The following THADA variants were observed in gnomAD, a reference collection of about 807,000 sequenced individuals.
THADA encodes the protein tRNA (32-2'-O)-methyltransferase regulator THADA.
THADA carries 213 observed loss-of-function variants against 219.8 expected under a neutral mutation model. That is an observed-to-expected ratio of 0.97 (90% CI 0.87 to 1.09). THADA has a LOEUF of 1.09. Ranked by LOEUF, THADA falls within the 50% of genes least tolerant of loss-of-function variation. THADA has a pLI of 0.00. For missense variants in THADA, 2,956 were observed against 2,311.3 expected (o/e 1.28, Z -5.72); for synonymous variants, 1,018 against 828.9 (o/e 1.23, Z -3.92).
intron 28 of THADA, among the ~76,000 whole-genome samples, chr2:43,427,594 A>C (rs1678627646): frequency 6.7e-6 from 1 of 149,012 alleles, no homozygotes; most frequent in Non-Finnish European, 1.5e-5. Flanking sequence ...AAAGTTTTAC[A>C]TATAATATAT....
At chr2:43,418,256 C>G (rs2104781311) in intron 28 of THADA, among the ~76,000 whole-genome samples, 1 of 152,320 alleles carries the variant, frequency 6.6e-6, no homozygotes, top group Admixed American at 6.5e-5. Context: ...AAGAAAGGAA[C>G]AAGCACCTGC....
At chr2:43,394,786 C>G (rs1573439995) in intron 29 of THADA, among the ~76,000 whole-genome samples, 1 of 152,176 alleles carries the variant, frequency 6.6e-6, no homozygotes, top group East Asian at 1.9e-4. Flanking sequence ...TTTTCTCAAC[C>G]AGGGTAAACC....
intron 28 of THADA, among the ~76,000 whole-genome samples, chr2:43,425,452 G>GTGTGTA (rs1678305407): frequency 7.2e-6 from 1 of 139,506 alleles, no homozygotes; most frequent in Non-Finnish European, 1.6e-5. Flanking sequence ...TTGTATGTGT[G>GTGTGTA]TGTGTGTGTG....
At chr2:43,477,629 T>A (rs2104986114) in intron 26 of THADA, among the ~76,000 whole-genome samples, 1 of 152,340 alleles carries the variant, frequency 6.6e-6, no homozygotes, top group Middle Eastern at 3.4e-3. Context: ...AATGGTTTTA[T>A]CACAGAATAC....
intron 36 of THADA, among the ~76,000 whole-genome samples, chr2:43,248,150 TATATATATATATATAG>T (rs1378812772): frequency 1.1e-5 from 1 of 91,818 alleles, no homozygotes; most frequent in Admixed American, 1.2e-4. Context: ...TATATATATA[TATATATATATATATAG>T]AGAGAGAGAG....
intron 31 of THADA, among the ~76,000 whole-genome samples, chr2:43,296,222 G>T (rs920011390): frequency 4.0e-5 from 6 of 151,110 alleles, no homozygotes; most frequent in Middle Eastern, 3.5e-3. Flanking sequence ...CGGCCATACC[G>T]CTACTCTTAA....
chr2:43,578,499 G>A lies in THADA; in HGVS notation c.816+14C>T, dbSNP rs754905703. The A allele has an allele frequency of 1.5e-5, 24 of 1,583,306 alleles. No homozygotes were observed. Among genetic ancestry groups the A allele is most frequent in the Non-Finnish European group, 2.0e-5 (23 of 1,154,850 alleles). Reference sequence around the variant, plus strand: ...TCTCAATAAAGTACAATTCTAAAAAGGAGATGCACTTACCAAATGAGGAAT... The same window carrying A: ...TCTCAATAAAGTACAATTCTAAAAAAGAGATGCACTTACCAAATGAGGAAT... On this transcript the variant is annotated intron_variant, in intron 9 of 37. Coordinates refer to ENST00000405975, the MANE Select transcript of THADA (RefSeq NM_022065.5).
At chr2:43,463,523 C>T (rs1218181321) in intron 26 of THADA, among the ~76,000 whole-genome samples, 1 of 152,152 alleles carries the variant, frequency 6.6e-6, no homozygotes, top group Non-Finnish European at 1.5e-5. Context: ...AAATGAAATC[C>T]AAGATAGAAT....
At chr2:43,372,538 C>A (rs894630697) in intron 29 of THADA, among the ~76,000 whole-genome samples, 1 of 152,084 alleles carries the variant, frequency 6.6e-6, no homozygotes, top group Non-Finnish European at 1.5e-5. Flanking sequence ...GAGTTTCTAA[C>A]CCCTCTGGGA....
intron 26 of THADA, among the ~76,000 whole-genome samples, chr2:43,439,746 C>T (rs557690952): frequency 5.9e-5 from 9 of 152,074 alleles, no homozygotes; most frequent in Non-Finnish European, 8.8e-5. Flanking sequence ...ATCCATGGTT[C>T]GAGGCATCCA....
At chr2:43,454,437 C>CA (rs1205301174) in intron 26 of THADA, among the ~76,000 whole-genome samples, 2 of 151,808 alleles carry the variant, frequency 1.3e-5, no homozygotes, top group African/African-American at 4.8e-5. Flanking sequence ...CCCATCTCTA[C>CA]AAAAAAATAC....
chr2:43,358,809 T>A (rs1050724907), intron 29 of THADA, among the ~76,000 whole-genome samples: 1 of 152,202 alleles, frequency 6.6e-6, no homozygotes, highest in Non-Finnish European at 1.5e-5. Flanking sequence ...GACAGACTCC[T>A]CTTTTAGAAA....
chr2:43,518,202 G>A (rs1424779032), intron 22 of THADA, among the ~76,000 whole-genome samples: 2 of 152,096 alleles, frequency 1.3e-5, no homozygotes, highest in Non-Finnish European at 2.9e-5. Context: ...AATATTTGTT[G>A]AATAAATGAA....
At chr2:43,266,412 A>G (rs950937369) in intron 36 of THADA, among the ~76,000 whole-genome samples, 3 of 152,216 alleles carry the variant, frequency 2.0e-5, no homozygotes, top group Non-Finnish European at 4.4e-5. Flanking sequence ...TAACACGGTG[A>G]AACCCCGTCT....
In THADA at chr2:43,549,410, T is replaced by A. The variant is rs780894825; in HGVS notation, c.2948-42A>T. The A allele has an allele frequency of 3.9e-6, 6 of 1,547,664 alleles. No individual in the cohort carries two copies. The South Asian group carries it at 7.6e-5, about 19-fold the overall frequency. ...AGCGTACATGAAACCCAGTAACACA[T>A]CACATGCCAGATTTCCCTTGGGGAT... On this transcript the variant is annotated intron_variant, in intron 19 of 37. Coordinates refer to ENST00000405975, the MANE Select transcript of THADA (RefSeq NM_022065.5).
At chr2:43,308,262 G>A (rs193238425) in intron 31 of THADA, among the ~76,000 whole-genome samples, 108 of 152,232 alleles carry the variant, frequency 7.1e-4, no homozygotes, top group African/African-American at 2.5e-3. Context: ...AGTCACAAAA[G>A]TTGAAGCTAT....
At chr2:43,540,639 T>A (rs1465658185) in intron 21 of THADA, among the ~76,000 whole-genome samples, 1 of 152,216 alleles carries the variant, frequency 6.6e-6, no homozygotes, top group East Asian at 1.9e-4. Flanking sequence ...TGTGGTAAGC[T>A]AACTTCTTGT....
At chr2:43,427,186 C>T (rs1321896915) in intron 28 of THADA, among the ~76,000 whole-genome samples, 2 of 152,196 alleles carry the variant, frequency 1.3e-5, no homozygotes, top group Non-Finnish European at 2.9e-5. Flanking sequence ...GGCTCGCAGA[C>T]TCTTCCAGAG....
chr2:43,362,654 C>T (rs952095619), intron 29 of THADA, among the ~76,000 whole-genome samples: 48 of 152,150 alleles, frequency 3.2e-4, no homozygotes, highest in African/African-American at 1.1e-3. Context: ...GTAGACTTTA[C>T]GAATACTGTA....
Sources: gnomAD v4.1 joint callset for allele counts (sites outside exome capture counted in the v4.1 genomes callset) on GRCh38, gnomAD v4.1.1 for gene constraint, MANE v1.5 for transcripts, NCBI Gene and HGNC (gene_info 2026-07-23, HGNC 2026-07-21) for gene names.